PHLDB2: variants seen among roughly 807,000 people sequenced by gnomAD.
PHLDB2 encodes the protein pleckstrin homology-like domain family B member 2.
PHLDB2 carries 71 observed loss-of-function variants against 123.6 expected under a neutral mutation model. That is an observed-to-expected ratio of 0.57 (90% CI 0.47 to 0.70). The LOEUF (loss-of-function observed/expected upper bound fraction) is 0.70. PHLDB2 is among the 30% of genes least tolerant of loss of function. The pLI is 0.00. For synonymous variants in PHLDB2, 547 were observed against 541.6 expected, an observed-to-expected ratio of 1.01 and a Z score of -0.14; for missense variants, 1,446 against 1,519.5, an observed-to-expected ratio of 0.95 and a Z score of 0.80.
At chr3:111,759,906 G>A (rs1441981504) in intron 1 of PHLDB2, among the ~76,000 whole-genome samples, 1 of 152,188 alleles carries the variant, frequency 6.6e-6, no homozygotes, top group East Asian at 1.9e-4. Flanking sequence ...GTTCATAATA[G>A]CAACAATATG....
At chr3:111,846,097 A>T (rs2063972175) in intron 2 of PHLDB2, 3 of 675,440 alleles carry the variant, frequency 4.4e-6, no homozygotes, top group African/African-American at 1.8e-5. Context: ...AACTTTGGTC[A>T]CCTGCTTGTT....
intron 2 of PHLDB2, among the ~76,000 whole-genome samples, chr3:111,893,900 T>TTTTATTTATTTATTTATTTA (rs146051192): frequency 7.3e-6 from 1 of 136,610 alleles, no homozygotes; most frequent in Non-Finnish European, 1.6e-5. Flanking sequence ...TTGGATTTAT[T>TTTTATTTATTTATTTATTTA]TTTATTTATT....
At chr3:111,744,483 T>TCA (rs1212500152) in intron 1 of PHLDB2, among the ~76,000 whole-genome samples, 1 of 152,222 alleles carries the variant, frequency 6.6e-6, no homozygotes, top group Non-Finnish European at 1.5e-5. Context: ...ATAAAAAGTT[T>TCA]CACACAGTAC....
chr3:111,959,075 C>T (rs2071228111), intron 12 of PHLDB2, among the ~76,000 whole-genome samples: 1 of 152,262 alleles, frequency 6.6e-6, no homozygotes, highest in Non-Finnish European at 1.5e-5. Context: ...TCCTTCACTG[C>T]ACCAGCATCT....
chr3:111,856,496 G>A (rs989858337), upstream of PHLDB2, among the ~76,000 whole-genome samples: 5 of 152,080 alleles, frequency 3.3e-5, no homozygotes, highest in East Asian at 1.9e-4. Context: ...GAAGAATACC[G>A]GATACGTATA....
intron 2 of PHLDB2, among the ~76,000 whole-genome samples, chr3:111,907,604 T>C (rs1363247521): frequency 2.0e-5 from 3 of 152,170 alleles, no homozygotes; most frequent in Non-Finnish European, 4.4e-5. Flanking sequence ...CAAGCAATTC[T>C]CCTTTCTCAC....
At chr3:111,853,319 A>G (rs967580119) in intron 2 of PHLDB2, among the ~76,000 whole-genome samples, 1 of 152,326 alleles carries the variant, frequency 6.6e-6, no homozygotes, top group African/African-American at 2.4e-5. Flanking sequence ...TGCAGATCCA[A>G]TGTGAAAATA....
chr3:111,837,220 C>T (rs2063455611), intron 1 of PHLDB2, among the ~76,000 whole-genome samples: 2 of 152,084 alleles, frequency 1.3e-5, no homozygotes, highest in African/African-American at 4.8e-5. Context: ...TAACTGTTAT[C>T]GGTTTTTAAA....
At chr3:111,834,242 AGAATT>A (rs2063279103) in intron 1 of PHLDB2, among the ~76,000 whole-genome samples, 2 of 93,090 alleles carry the variant, frequency 2.1e-5, no homozygotes, top group Admixed American at 1.4e-4. Flanking sequence ...TGTATATAAT[AGAATT>A]ATATATATAA....
chr3:111,786,920 G>A (rs1218140930), intron 1 of PHLDB2, among the ~76,000 whole-genome samples: 1 of 152,070 alleles, frequency 6.6e-6, no homozygotes, highest in Non-Finnish European at 1.5e-5. Flanking sequence ...TTGTCCTATT[G>A]AGAGCCTCAG....
intron 6 of PHLDB2, among the ~76,000 whole-genome samples, chr3:111,938,722 CTT>C (rs1364251368): frequency 2.0e-5 from 3 of 152,130 alleles, no homozygotes; most frequent in Non-Finnish European, 4.4e-5. Context: ...ACTTTTGACT[CTT>C]TAATCTCCAC....
In PHLDB2 at chr3:111,845,890, A is replaced by G. The variant is rs765061373; in HGVS notation, c.22A>G (p.Arg8Gly). Reference sequence around the variant, plus strand: ...CCTGATGGAGGAGGAGGATACCAAGAGAGAGGTGCCCAAGGAAGATGGAGT... The same window carrying G: ...CCTGATGGAGGAGGAGGATACCAAGGGAGAGGTGCCCAAGGAAGATGGAGT... Residue 8 changes from arginine (R) to glycine (G), a missense_variant, in exon 2 of 18, where the codon AGA becomes GGA. Coordinates refer to the PHLDB2 transcript ENST00000393923. 3.1e-6 allele frequency: 5 copies of G among 1,614,218 alleles called. No individual in the cohort carries two copies. The South Asian group carries it at 4.4e-5, about 14-fold the overall frequency.
intron 2 of PHLDB2, among the ~76,000 whole-genome samples, chr3:111,895,665 T>C (rs1204483331): frequency 6.6e-6 from 1 of 152,026 alleles, no homozygotes; most frequent in Non-Finnish European, 1.5e-5. Flanking sequence ...CTGACCAACA[T>C]GGTGAAACCT....
At chr3:111,774,205 C>T (rs892481082) in intron 1 of PHLDB2, among the ~76,000 whole-genome samples, 1 of 152,144 alleles carries the variant, frequency 6.6e-6, no homozygotes, top group Admixed American at 6.5e-5. Flanking sequence ...CTCTTGGGAG[C>T]TCTAGGTAGG....
rs369986409 is a variant in PHLDB2 at position 111,940,594 on chromosome 3, G to A, written c.2346G>A (p.Glu782=). ...ACATTGTTCAGCAGGCTCAGAGAGA[G>A]CAAGATCATTTTGTGAAAGAAAAGA... is the stretch of plus-strand genomic sequence containing the variant. ...ANHIVQQAQR[E]QDHFVKEKNN... is the part of the protein sequence containing the mutation. Residue 782 remains glutamate (E), a synonymous_variant, in exon 8 of 18, where the codon GAG becomes GAA. Coordinates refer to ENST00000431670, the MANE Select transcript of PHLDB2 (RefSeq NM_001134438.2). 2 of 1,605,194 alleles carry A rather than the reference G, an allele frequency of 1.2e-6. No homozygotes were observed. Among genetic ancestry groups the A allele is most frequent in the Non-Finnish European group, 1.7e-6 (2 of 1,176,354 alleles).
rs550793272 is a variant in PHLDB2 at position 111,763,022 on chromosome 3, C to T, written c.-49+30319C>T. On this transcript the variant is annotated intron_variant, in intron 1 of 17. Transcript: ENST00000393923. The stretch of plus-strand genomic sequence containing the variant: ...AGCTCTGAGAGCCCACCCTCTTCTG[C>T]ACCTGCAAGAATCCTTGCATGTCTC... Among the ~76,000 whole-genome samples the T allele has an allele frequency of 8.5e-5, 13 of 152,334 alleles. No homozygotes were observed. In the East Asian group the frequency reaches 2.5e-3, roughly 29 times the overall value.
intron 1 of PHLDB2, among the ~76,000 whole-genome samples, chr3:111,831,432 T>G (rs1217014378): frequency 2.1e-5 from 3 of 144,720 alleles, no homozygotes; most frequent in African/African-American, 8.5e-5. Flanking sequence ...CATGAGCACA[T>G]TTGTAGGGAC....
rs375725429 is a variant in PHLDB2, at chr3:111,962,254, G to A, written c.3019G>A (p.Asp1007Asn). 5.2e-5 allele frequency: 82 copies of A among 1,581,302 alleles called. No homozygotes were observed. The highest frequency in any genetic ancestry group is 1.6e-4 in the East Asian group (7 of 44,522). The change falls in exon 13 of 18, where the codon GAT (aspartate) becomes AAT (asparagine). Residue 1007 changes from aspartate to asparagine, a missense_variant. Physicochemically the swap from Asp to Asn is conservative, Grantham distance 23. Transcript: ENST00000431670. ...CCAGGCCTTTGATACTCTGAGCCTC[G>A]ATAGCTCTGATAGCATGGAGACCAG... The part of the protein sequence containing the change: ...KDQAFDTLSL[D>N]SSDSMETSIS...
intron 1 of PHLDB2, among the ~76,000 whole-genome samples, chr3:111,800,988 A>C (rs1330364717): frequency 6.6e-6 from 1 of 152,180 alleles, no homozygotes; most frequent in African/African-American, 2.4e-5. Context: ...GAATTAGTGA[A>C]ATTTAGACAT....
Sources: gnomAD v4.1 joint callset for allele counts (sites outside exome capture counted in the v4.1 genomes callset) on GRCh38, gnomAD v4.1.1 for gene constraint, MANE v1.5 for transcripts, NCBI Gene and HGNC (gene_info 2026-07-23, HGNC 2026-07-21) for gene names.